NR2F1-AS1: variants seen among roughly 807,000 people sequenced by gnomAD.
The protein encoded by NR2F1-AS1 is NR2F1 antisense RNA 1.
chr5:93,480,641 T>C (rs1750581344), intron 4 of NR2F1-AS1, among the ~76,000 whole-genome samples: 1 of 152,120 alleles, frequency 6.6e-6, no homozygotes, highest in Non-Finnish European at 1.5e-5. Context: ...CCCTTTTCAT[T>C]TCCTGTATGA....
chr5:93,430,884 T>A (rs1324753420), intron 4 of NR2F1-AS1, among the ~76,000 whole-genome samples: 1 of 151,982 alleles, frequency 6.6e-6, no homozygotes, highest in Non-Finnish European at 1.5e-5. Context: ...ATCATCATCA[T>A]CATCATCATG....
rs1427763245 is a variant in NR2F1-AS1, at chr5:93,554,139, C to A, written n.536-276G>T. ...ATGTTCTCAGCTATCTTAACTAAAA[C>A]GAAGATTGTTTCTGACTTGCAAAAT... On this transcript the variant is annotated intron_variant and non_coding_transcript_variant, in intron 3 of 5. Transcript: ENST00000660523. Among the ~76,000 whole-genome samples the A allele has an allele frequency of 2.0e-5, 3 of 152,194 alleles. No homozygotes were observed. The South Asian group carries it at 6.2e-4, about 32-fold the overall frequency.
chr5:93,446,878 G>A (rs1749723043), intron 4 of NR2F1-AS1, among the ~76,000 whole-genome samples: 3 of 152,092 alleles, frequency 2.0e-5, no homozygotes, highest in Admixed American at 2.0e-4. Flanking sequence ...GTACAGAACA[G>A]GGCCCTCAGA....
At chr5:93,536,310 G>C (rs1197799557) in intron 4 of NR2F1-AS1, among the ~76,000 whole-genome samples, 2 of 152,088 alleles carry the variant, frequency 1.3e-5, no homozygotes, top group Non-Finnish European at 2.9e-5. Context: ...TAAATGGAAA[G>C]ATATCCCATG....
In NR2F1-AS1 at chr5:93,437,031, GT is replaced by G. The variant is rs528722156; in HGVS notation, n.639-41490del. On this transcript the variant is annotated intron_variant and non_coding_transcript_variant, in intron 4 of 5. Transcript: ENST00000660523. ...TACCATGTAAATTCACTGACCATTTGTTTTTTCATTATAATGTTAGCTATTC... is the reference window on the plus strand; with the variant it reads ...TACCATGTAAATTCACTGACCATTTGTTTTTCATTATAATGTTAGCTATTC... Among the ~76,000 whole-genome samples, 238 of 150,168 alleles carry G rather than the reference GT, an allele frequency of 1.6e-3. 1 individual carries two copies. Among genetic ancestry groups the G allele is most frequent in the African/African-American group, 5.4e-3 (222 of 41,096 alleles).
intron 2 of NR2F1-AS1, among the ~76,000 whole-genome samples, chr5:93,558,216 A>G (rs1319118137): frequency 6.6e-6 from 1 of 152,196 alleles, no homozygotes; most frequent in African/African-American, 2.4e-5. Context: ...TGTTAACGGC[A>G]GCTAGAAGGG....
chr5:93,573,027 G>A (rs1752811109), intron 1 of NR2F1-AS1, among the ~76,000 whole-genome samples: 1 of 152,236 alleles, frequency 6.6e-6, no homozygotes, highest in South Asian at 2.1e-4. Flanking sequence ...CAGGAGGAGT[G>A]AGAAGCGCCC....
rs576240542 is a variant in NR2F1-AS1, at chr5:93,472,813, A to G, written n.639-77271T>C. On this transcript the variant is annotated intron_variant and non_coding_transcript_variant, in intron 4 of 5. Transcript: ENST00000660523. ...AATAATTAAAATTTTTAATCTGAACATTACCTTCCCTTTAAACAAAGCATT... is the reference window on the plus strand; with the variant it reads ...AATAATTAAAATTTTTAATCTGAACGTTACCTTCCCTTTAAACAAAGCATT... 1.5e-3 allele frequency among the ~76,000 whole-genome samples: 229 copies of G among 152,028 alleles called. 1 individual carries two copies. Among genetic ancestry groups the G allele is most frequent in the South Asian group, 4.4e-3 (21 of 4,826 alleles).
chr5:93,442,578 G>C (rs1422963469), intron 4 of NR2F1-AS1, among the ~76,000 whole-genome samples: 2 of 152,226 alleles, frequency 1.3e-5, no homozygotes, highest in Non-Finnish European at 2.9e-5. Flanking sequence ...ACAGCTCAAG[G>C]AGGCCTGCCT....
At chr5:93,426,898 C>T (rs1749207302) in intron 4 of NR2F1-AS1, among the ~76,000 whole-genome samples, 1 of 152,138 alleles carries the variant, frequency 6.6e-6, no homozygotes, top group Non-Finnish European at 1.5e-5. Flanking sequence ...CCCCCCCTCC[C>T]GCCAAGGCAT....
intron 1 of NR2F1-AS1, among the ~76,000 whole-genome samples, chr5:93,574,466 T>C (rs1342005547): frequency 6.6e-6 from 1 of 151,976 alleles, no homozygotes; most frequent in Non-Finnish European, 1.5e-5. Flanking sequence ...GTCATGACCC[T>C]GGGCCACCAC....
At chr5:93,486,759 A>G (rs1448866224) in intron 4 of NR2F1-AS1, among the ~76,000 whole-genome samples, 1 of 152,218 alleles carries the variant, frequency 6.6e-6, no homozygotes, top group Non-Finnish European at 1.5e-5. Context: ...TGCCAGCATC[A>G]TCCTGATACC....
chr5:93,523,399 G>A (rs950878703), intron 4 of NR2F1-AS1, among the ~76,000 whole-genome samples: 3 of 152,198 alleles, frequency 2.0e-5, no homozygotes, highest in Non-Finnish European at 1.5e-5. Flanking sequence ...AGGACCTGGG[G>A]GAAGTGGCAG....
At chr5:93,557,565 ATACTT>A (rs1752387736) in intron 2 of NR2F1-AS1, among the ~76,000 whole-genome samples, 1 of 152,022 alleles carries the variant, frequency 6.6e-6, no homozygotes, top group African/African-American at 2.4e-5. Flanking sequence ...TAATTTTAAA[ATACTT>A]TATTGCTAAA....
intron 4 of NR2F1-AS1, among the ~76,000 whole-genome samples, chr5:93,465,756 G>A (rs1750215574): frequency 6.6e-6 from 1 of 152,266 alleles, no homozygotes; most frequent in South Asian, 2.1e-4. Context: ...AAAAAAGGAT[G>A]AGTTCATGTC....
intron 4 of NR2F1-AS1, among the ~76,000 whole-genome samples, chr5:93,487,730 T>C (rs905090842): frequency 5.9e-5 from 9 of 152,094 alleles, no homozygotes; most frequent in African/African-American, 1.9e-4. Context: ...CTTCACAGAA[T>C]TGGAAAAAAC....
chr5:93,581,727 T>TC (rs1753053183), upstream of NR2F1-AS1, among the ~76,000 whole-genome samples: 4 of 44,106 alleles, frequency 9.1e-5, no homozygotes, highest in African/African-American at 5.4e-4. Context: ...TCTCTCTCTC[T>TC]CTCTCTCCCC....
intron 4 of NR2F1-AS1, among the ~76,000 whole-genome samples, chr5:93,425,928 A>G (rs1473625138): frequency 6.6e-6 from 1 of 152,158 alleles, no homozygotes; most frequent in Non-Finnish European, 1.5e-5. Flanking sequence ...ATTAAATTAA[A>G]TTTAAAACAA....
intron 4 of NR2F1-AS1, among the ~76,000 whole-genome samples, chr5:93,507,130 A>G (rs945842180): frequency 1.3e-5 from 2 of 152,186 alleles, no homozygotes; most frequent in African/African-American, 4.8e-5. Flanking sequence ...ACACAGGAAA[A>G]AAAATTCAAC....
Sources: gnomAD v4.1 joint callset for allele counts (sites outside exome capture counted in the v4.1 genomes callset) on GRCh38, gnomAD v4.1.1 for gene constraint, MANE v1.5 for transcripts, NCBI Gene and HGNC (gene_info 2026-07-23, HGNC 2026-07-21) for gene names.